Variants in TPH2 observed in about 807,000 individuals in gnomAD.
TPH2 encodes tryptophan hydroxylase 2.
TPH2 carries 27 observed loss-of-function variants against 59.1 expected under a neutral mutation model. The ratio of observed to expected loss-of-function variants is 0.46; its 90% CI spans 0.34 to 0.63. The LOEUF (loss-of-function observed/expected upper bound fraction) is 0.63. TPH2 is among the 30% of genes least tolerant of loss of function. The pLI, the probability that TPH2 is intolerant of heterozygous loss-of-function variation, is 0.01. For synonymous variants in TPH2, 220 were observed against 210.5 expected (o/e 1.05, Z -0.39); for missense variants, 523 against 588.3 (o/e 0.89, Z 1.15).
rs537867138 is a variant in TPH2, at chr12:71,988,365, G to C, written c.942-6074G>C. Among the ~76,000 whole-genome samples the C allele has an allele frequency of 2.6e-5, 4 of 152,278 alleles. No individual in the cohort carries two copies. The South Asian group carries it at 8.3e-4, about 32-fold the overall frequency. On this transcript the variant is annotated intron_variant, in intron 7 of 10. Transcript: ENST00000333850. ...AGACTGGGAAATTTGTAAAGAAAAGGGGTTTAATTGGCTCGCGGTTCTGCA... is the reference window on the plus strand; with the variant it reads ...AGACTGGGAAATTTGTAAAGAAAAGCGGTTTAATTGGCTCGCGGTTCTGCA...
At chr12:72,012,198 TAAC>T (rs768643315) in intron 8 of TPH2, among the ~76,000 whole-genome samples, 6 of 141,816 alleles carry the variant, frequency 4.2e-5, no homozygotes, top group African/African-American at 1.3e-4. Context: ...ACAACAACAA[TAAC>T]AACAACAACA....
Position 71,941,688 on chromosome 12 carries a change from G to C in TPH2, c.210G>C (p.Leu70Phe), listed in dbSNP as rs1871073425. 1 of 1,614,004 alleles carries C rather than the reference G, an allele frequency of 6.2e-7. No homozygotes were observed. Among genetic ancestry groups the C allele is most frequent in the Non-Finnish European group, 8.5e-7 (1 of 1,179,988 alleles). The change falls in exon 2 of 11, where the codon TTG becomes TTC. Residue 70 changes from leucine to phenylalanine, a missense_variant. Transcript: ENST00000333850. ...ESGKTAVVFS[L>F]KNEVGGLVKA... ...GCAAGACAGCAGTTGTTTTCTCCTT[G>C]AAGAATGAAGTTGGTGGATTGGTAA... is the stretch of plus-strand genomic sequence containing the variant.
intron 8 of TPH2, among the ~76,000 whole-genome samples, chr12:72,002,839 A>G (rs1872861529): frequency 6.6e-6 from 1 of 151,940 alleles, no homozygotes; most frequent in South Asian, 2.1e-4. Context: ...TAAAACAAAT[A>G]ATTTATTTGT....
At chr12:71,957,219 A>C (rs984145134) in intron 5 of TPH2, among the ~76,000 whole-genome samples, 3 of 152,004 alleles carry the variant, frequency 2.0e-5, no homozygotes, top group African/African-American at 7.2e-5. Context: ...TGGCACAAGG[A>C]GATATTAAAT....
At chr12:71,981,409 T>TG (rs1393750153) in intron 7 of TPH2, among the ~76,000 whole-genome samples, 2 of 152,034 alleles carry the variant, frequency 1.3e-5, no homozygotes, top group Non-Finnish European at 2.9e-5. Context: ...GAAAAATGAC[T>TG]GGGGGTGAGG....
chr12:71,969,632 G>C (rs1267222601), intron 5 of TPH2, among the ~76,000 whole-genome samples: 2 of 152,126 alleles, frequency 1.3e-5, no homozygotes, highest in South Asian at 2.1e-4. Context: ...ATCCTACTAT[G>C]ACATATAATT....
chr12:72,013,824 G>A (rs556189976), intron 8 of TPH2, among the ~76,000 whole-genome samples: 7 of 152,204 alleles, frequency 4.6e-5, no homozygotes, highest in East Asian at 3.9e-4. Context: ...CCTACTGATC[G>A]CTATGGACCA....
intron 9 of TPH2, among the ~76,000 whole-genome samples, chr12:72,025,981 T>C (rs2139248519): frequency 6.6e-6 from 1 of 152,352 alleles, no homozygotes; most frequent in African/African-American, 2.4e-5. Flanking sequence ...AGGGAAATTC[T>C]AAGAAAGTGA....
intron 8 of TPH2, among the ~76,000 whole-genome samples, chr12:72,002,387 C>T (rs1872846648): frequency 2.0e-5 from 3 of 151,998 alleles, no homozygotes; most frequent in East Asian, 1.9e-4. Context: ...AAGAGACAGA[C>T]AGAGAAAATG....
chr12:72,010,918 G>C (rs1189510095), intron 8 of TPH2, among the ~76,000 whole-genome samples: 1 of 152,180 alleles, frequency 6.6e-6, no homozygotes, highest in African/African-American at 2.4e-5. Flanking sequence ...CTGTTTCAAG[G>C]AGCTCAGAAT....
intron 3 of TPH2, 27 bp downstream of exon 3, chr12:71,944,504 A>C (rs1871152038): frequency 1.9e-6 from 3 of 1,613,778 alleles, no homozygotes; most frequent in Admixed American, 1.7e-5. Flanking sequence ...CTTGTCGGGT[A>C]ACTTTGCAAT....
At chr12:71,979,169 T>G in intron 7 of TPH2, 82 bp downstream of exon 7, 1 of 1,573,304 alleles carries the variant, frequency 6.4e-7, no homozygotes, top group Non-Finnish European at 8.7e-7. Context: ...TTAGGCCCTG[T>G]TTTACCTCCA....
chr12:71,956,369 T>C (rs1425666754), intron 5 of TPH2, among the ~76,000 whole-genome samples: 1 of 151,784 alleles, frequency 6.6e-6, no homozygotes, highest in African/African-American at 2.4e-5. Context: ...ATCTGGGAGG[T>C]TGGGTACCAC....
At chr12:71,984,142 T>C (rs1326354632) in intron 7 of TPH2, among the ~76,000 whole-genome samples, 1 of 152,222 alleles carries the variant, frequency 6.6e-6, no homozygotes, top group Non-Finnish European at 1.5e-5. Context: ...ATTGCCATAA[T>C]ACAATGAAAT....
chr12:72,009,748 A>C (rs1873051303), intron 8 of TPH2, among the ~76,000 whole-genome samples: 1 of 152,254 alleles, frequency 6.6e-6, no homozygotes, highest in African/African-American at 2.4e-5. Flanking sequence ...AGGACATGGC[A>C]GAATGGCTGC....
At chr12:72,012,424 A>G (rs1046989316) in intron 8 of TPH2, among the ~76,000 whole-genome samples, 8 of 152,230 alleles carry the variant, frequency 5.3e-5, no homozygotes, top group African/African-American at 1.7e-4. Context: ...GCAAAGGCCC[A>G]GGTGGAATCT....
chr12:71,996,150 C>G (rs1354266019), intron 8 of TPH2, among the ~76,000 whole-genome samples: 1 of 152,208 alleles, frequency 6.6e-6, no homozygotes, highest in Non-Finnish European at 1.5e-5. Flanking sequence ...GAATTGGCTT[C>G]CAAAATGGCT....
intron 9 of TPH2, among the ~76,000 whole-genome samples, chr12:72,024,768 A>G (rs1251866577): frequency 2.6e-5 from 4 of 152,220 alleles, no homozygotes; most frequent in Non-Finnish European, 4.4e-5. Flanking sequence ...TTTTGTTCCT[A>G]CTGGTGTGGA....
intron 5 of TPH2, among the ~76,000 whole-genome samples, chr12:71,956,447 C>T (rs1871500708): frequency 7.5e-6 from 1 of 133,210 alleles, no homozygotes; most frequent in African/African-American, 2.8e-5. Context: ...TTCCTCCCTT[C>T]CTCCCTTTCT....
Sources: gnomAD v4.1 joint callset for allele counts (sites outside exome capture counted in the v4.1 genomes callset) on GRCh38, gnomAD v4.1.1 for gene constraint, MANE v1.5 for transcripts, NCBI Gene and HGNC (gene_info 2026-07-23, HGNC 2026-07-21) for gene names.